CTDP1: variants seen among roughly 807,000 people sequenced by gnomAD.
CTDP1 encodes the protein RNA polymerase II subunit A C-terminal domain phosphatase.
CTDP1 carries 47 observed loss-of-function variants against 91.8 expected under a neutral mutation model. The ratio of observed to expected loss-of-function variants is 0.51; its 90% CI spans 0.41 to 0.65. CTDP1 has a LOEUF of 0.65. Ranked by LOEUF, CTDP1 falls within the 30% of genes least tolerant of loss-of-function variation. The probability of loss-of-function intolerance (pLI) is 0.00; values close to 1 mark genes in which losing one functional copy is unlikely to be tolerated. For synonymous variants in CTDP1, 656 were observed against 598.5 expected (o/e 1.10, Z -1.40); for missense variants, 1,272 against 1,373.7 (o/e 0.93, Z 1.17).
chr18:79,715,423 C>T lies in CTDP1; in HGVS notation c.1963C>T (p.Arg655Trp), dbSNP rs756863087. ...HPTNFPIEKT[R>W]EHYHATALGA... ...GACAAACTTCCCGATAGAGAAGACG[C>T]GGGAGCATTACCACGCCACGGCGCT... is the stretch of plus-strand genomic sequence containing the variant. Residue 655 changes from arginine (R) to tryptophan (W), a missense_variant, in exon 8 of 13, where the codon CGG becomes TGG. Coordinates refer to ENST00000613122, the MANE Select transcript of CTDP1 (RefSeq NM_004715.5). 21 of 1,599,396 alleles carry T rather than the reference C, an allele frequency of 1.3e-5. No individual in the cohort carries two copies. Among genetic ancestry groups the T allele is most frequent in the Non-Finnish European group, 9.4e-6 (11 of 1,173,026 alleles).
At chr18:79,690,616 T>C (rs963598786) in intron 1 of CTDP1, among the ~76,000 whole-genome samples, 1 of 152,194 alleles carries the variant, frequency 6.6e-6, no homozygotes, top group Non-Finnish European at 1.5e-5. Context: ...AGTGTAGAAA[T>C]GTCTCGTATT....
chr18:79,734,131 C>CT (rs1456851987), intron 11 of CTDP1, among the ~76,000 whole-genome samples: 5 of 152,178 alleles, frequency 3.3e-5, no homozygotes, highest in African/African-American at 1.2e-4. Flanking sequence ...TGTAGAACAG[C>CT]TTGTTCCAAG....
At chr18:79,678,799 G>A (rs1225639908), upstream of CTDP1, 2 of 154,056 alleles carry the variant, frequency 1.3e-5, no homozygotes, top group Non-Finnish European at 2.9e-5. Context: ...AGGCCAGCCT[G>A]GGCCTGCCGA....
At chr18:79,703,178 G>A (rs1599228861) in intron 4 of CTDP1, 1 of 152,216 alleles carries the variant, frequency 6.6e-6, no homozygotes, top group African/African-American at 2.4e-5. Context: ...GCTTCTTCAT[G>A]ACGGTCGTGA....
intron 12 of CTDP1, among the ~76,000 whole-genome samples, chr18:79,736,920 G>A (rs1031131172): frequency 6.6e-4 from 100 of 151,682 alleles, no homozygotes; most frequent in African/African-American, 2.3e-3. Flanking sequence ...GGGTCTGCAC[G>A]TGTGCACGCA....
At chr18:79,687,620 A>G (rs2085531064) in intron 1 of CTDP1, among the ~76,000 whole-genome samples, 2 of 149,792 alleles carry the variant, frequency 1.3e-5, no homozygotes, top group Admixed American at 1.3e-4. Context: ...TCTCCAGTTC[A>G]CTGGTGGGCC....
At position 79,695,312 on chromosome 18, in the gene CTDP1, A is replaced by G; in HGVS notation, c.398+4A>G. ...AATGTGGCCAAGACCTCACCCAGTA[A>G]GTATCCGGAAGAGTGAGATCGCTGC... On this transcript the variant is annotated splice_donor_region_variant and intron_variant, in intron 2 of 12. Coordinates refer to ENST00000613122, the MANE Select transcript of CTDP1 (RefSeq NM_004715.5). 6.2e-7 allele frequency: 1 copy of G among 1,613,912 alleles called. No homozygotes were observed. Among genetic ancestry groups the G allele is most frequent in the Non-Finnish European group, 8.5e-7 (1 of 1,179,858 alleles).
At position 79,688,811 on chromosome 18, in the gene CTDP1, A is replaced by T. The variant is rs899841714; in HGVS notation, c.315-6414A>T. 3.9e-5 allele frequency among the ~76,000 whole-genome samples: 6 copies of T among 152,250 alleles called. No homozygotes were observed. The South Asian group carries it at 6.2e-4, about 16-fold the overall frequency. On this transcript the variant is annotated intron_variant, in intron 1 of 12. Coordinates refer to ENST00000613122, the MANE Select transcript of CTDP1 (RefSeq NM_004715.5). ...TGCCTCAGCCTCGCTAAGTGCTGGGATTACAGGCGTGAGCCACCACACCCA... is the reference window on the plus strand; with the variant it reads ...TGCCTCAGCCTCGCTAAGTGCTGGGTTTACAGGCGTGAGCCACCACACCCA...
chr18:79,677,999 C>A (rs942168437), upstream of CTDP1: 3 of 152,162 alleles, frequency 2.0e-5, no homozygotes, highest in Non-Finnish European at 2.9e-5. Flanking sequence ...GAGCACCGCA[C>A]GTTTTCCCTT....
chr18:79,746,266 T>A (rs1475978933), intron 12 of CTDP1, among the ~76,000 whole-genome samples: 11 of 61,864 alleles, frequency 1.8e-4, no homozygotes, highest in Non-Finnish European at 3.1e-4. Context: ...GCGCGTTCTG[T>A]GCCCGCGTCC....
At chr18:79,717,326 G>T (rs531497116) in intron 8 of CTDP1, among the ~76,000 whole-genome samples, 1 of 149,762 alleles carries the variant, frequency 6.7e-6, no homozygotes, top group East Asian at 2.0e-4. Flanking sequence ...GTGCAGCCGG[G>T]TGAGGGCCCT....
intron 12 of CTDP1, among the ~76,000 whole-genome samples, chr18:79,742,459 A>G (rs1344810271): frequency 6.6e-6 from 1 of 152,258 alleles, no homozygotes; most frequent in Non-Finnish European, 1.5e-5. Flanking sequence ...TTTCCCAGAC[A>G]AAGTGGGAAT....
chr18:79,681,143 T>G (rs1247433264), intron 1 of CTDP1, among the ~76,000 whole-genome samples: 7 of 152,206 alleles, frequency 4.6e-5, no homozygotes, highest in Non-Finnish European at 7.3e-5. Context: ...GCCCTGACCC[T>G]GTGTTTGTTG....
chr18:79,683,454 A>AGGG (rs759560781), intron 1 of CTDP1, among the ~76,000 whole-genome samples: 1 of 152,200 alleles, frequency 6.6e-6, no homozygotes, highest in Non-Finnish European at 1.5e-5. Flanking sequence ...GTGTGAGGGC[A>AGGG]GGGGAGGTGC....
chr18:79,738,110 A>C (rs1051782840), intron 12 of CTDP1, among the ~76,000 whole-genome samples: 1 of 150,590 alleles, frequency 6.6e-6, no homozygotes, highest in African/African-American at 2.5e-5. Flanking sequence ...GGTGGAGTAC[A>C]TCTCCCAGAA....
intron 11 of CTDP1, among the ~76,000 whole-genome samples, chr18:79,730,452 C>G (rs2086542133): frequency 2.3e-5 from 1 of 43,800 alleles, no homozygotes; most frequent in African/African-American, 7.3e-5. Context: ...GCAGTGGTGA[C>G]AACTGGTTCT....
rs995057865 is a variant in CTDP1 at position 79,753,898 on chromosome 18, T to C, written c.*108T>C. The C allele has an allele frequency of 4.2e-6, 6 of 1,441,648 alleles. No individual in the cohort carries two copies. The highest frequency in any genetic ancestry group is 5.7e-6 in the Non-Finnish European group (6 of 1,053,610). 89.3% of individuals were successfully genotyped at this position (1,441,648 alleles called of 1,614,324 possible). A position where few individuals can be genotyped will look rare whatever the true frequency, so the allele number is the denominator to read the frequency against. ...CACGCTGCTTTCTTCCCAAAGGACATGTATATTTGCAGAGCTCCACATACA... is the reference window on the plus strand; with the variant it reads ...CACGCTGCTTTCTTCCCAAAGGACACGTATATTTGCAGAGCTCCACATACA... On this transcript the variant is annotated 3_prime_UTR_variant, in exon 13 of 13. Coordinates refer to ENST00000613122, the MANE Select transcript of CTDP1 (RefSeq NM_004715.5).
Position 79,748,133 on chromosome 18 carries a change from G to A in CTDP1, c.2748-5519G>A, listed in dbSNP as rs146090898. On this transcript the variant is annotated intron_variant, in intron 12 of 12. Coordinates refer to ENST00000613122, the MANE Select transcript of CTDP1 (RefSeq NM_004715.5). The stretch of plus-strand genomic sequence containing the variant: ...ACAAAATACAAATATTGCATGTTAT[G>A]CTGAGGAAGTGAAGCTAGTATCAGT... Among the ~76,000 whole-genome samples the A allele has an allele frequency of 1.2e-3, 188 of 152,340 alleles. 1 individual carries two copies. The highest frequency in any genetic ancestry group is 4.2e-3 in the African/African-American group (173 of 41,576).
At chr18:79,679,096 G>A (rs1345407139), upstream of CTDP1, 3 of 285,110 alleles carry the variant, frequency 1.1e-5, no homozygotes, top group African/African-American at 4.7e-5. Context: ...CTGAGACCAC[G>A]CGCCGGTGCC....
Sources: allele counts gnomAD v4.1 joint callset (sites outside exome capture counted in the v4.1 genomes callset), GRCh38; gene constraint gnomAD v4.1.1; transcripts MANE v1.5; gene names NCBI Gene and HGNC (gene_info 2026-07-23, HGNC 2026-07-21).